PLEKHH2: variants seen among roughly 807,000 people sequenced by gnomAD.
The protein encoded by PLEKHH2 is pleckstrin homology domain-containing family H member 2.
Under a neutral mutation model 187.9 loss-of-function variants are expected in PLEKHH2, and 129 were observed. The ratio of observed to expected loss-of-function variants is 0.69; its 90% confidence interval spans 0.59 to 0.79. PLEKHH2 has a LOEUF of 0.79. Among genes scored for constraint, PLEKHH2 ranks in the 30% least tolerant of loss-of-function variants. The pLI is 0.00. For synonymous variants in PLEKHH2, 686 were observed against 605.6 expected (o/e 1.13, Z -1.95); for missense variants, 2,076 against 1,751.2 (o/e 1.19, Z -3.31).
chr2:43,693,173 C>T (rs747678814), intron 4 of PLEKHH2, among the ~76,000 whole-genome samples: 8 of 152,152 alleles, frequency 5.3e-5, no homozygotes, highest in Non-Finnish European at 1.0e-4. Flanking sequence ...GATCCACACA[C>T]CTCAGCCTCC....
At chr2:43,715,134 G>C (rs960119393) in intron 15 of PLEKHH2, among the ~76,000 whole-genome samples, 1 of 152,052 alleles carries the variant, frequency 6.6e-6, no homozygotes, top group Non-Finnish European at 1.5e-5. Context: ...AAATTAACCA[G>C]GCATGCTGGC....
At position 43,706,338 on chromosome 2, in the gene PLEKHH2, T is replaced by A; in HGVS notation, c.1743T>A (p.Leu581=). The change falls in exon 10 of 30, where the codon CTT becomes CTA. Residue 581 remains leucine (L), a synonymous_variant. Coordinates refer to ENST00000282406, the MANE Select transcript of PLEKHH2 (RefSeq NM_172069.4). ...ESVNKNSAAT[L]SYTTSGLYTS... is the part of the protein sequence containing the mutation. ...CTGTTTCAGATTCTGCTGCAACCCT[T>A]TCCTATACTACATCAGGACTTTATA... 1 of 1,608,266 alleles carries A rather than the reference T, an allele frequency of 6.2e-7. No individual in the cohort carries two copies. Among genetic ancestry groups the A allele is most frequent in the African/African-American group, 1.3e-5 (1 of 74,918 alleles).
chr2:43,696,350 A>G (rs1407817343), intron 6 of PLEKHH2, among the ~76,000 whole-genome samples: 2 of 151,794 alleles, frequency 1.3e-5, no homozygotes, highest in African/African-American at 4.8e-5. Context: ...GGTGGCACAC[A>G]CCTATACTCT....
At chr2:43,693,935 C>T (rs564581750) in intron 4 of PLEKHH2, among the ~76,000 whole-genome samples, 2 of 152,014 alleles carry the variant, frequency 1.3e-5, no homozygotes, top group South Asian at 2.1e-4. Context: ...CTGCCTATTG[C>T]GATTTATTTG....
Position 43,685,018 on chromosome 2 carries a change from C to A in PLEKHH2, c.186+6093C>A, listed in dbSNP as rs370947287. 4.9e-4 allele frequency among the ~76,000 whole-genome samples: 74 copies of A among 152,270 alleles called. No homozygotes were observed. The East Asian group carries it at 0.01, about 21-fold the overall frequency. On this transcript the variant is annotated intron_variant, in intron 3 of 29. Transcript: ENST00000282406. ...AGGAAATACAGACAGCAGATGAATTCTCATGCACTGATGAAGTCACCTTTT... is the reference window on the plus strand; with the variant it reads ...AGGAAATACAGACAGCAGATGAATTATCATGCACTGATGAAGTCACCTTTT...
In PLEKHH2 at chr2:43,709,991, T is replaced by G. The variant is rs750860790; in HGVS notation, c.1968T>G (p.Gly656=). Residue 656 remains glycine, a splice_region_variant and synonymous_variant, in exon 12 of 30, where the codon GGT becomes GGG. Transcript: ENST00000282406. ...GPGSPRAMKR[G]VSLSSVASES... is the part of the protein sequence containing the mutation. ...TGATTTCTTTCTTTGTTCTCTTAGG[T>G]GTGTCTCTCTCCTCTGTGGCTTCTG... 6.2e-7 allele frequency: 1 copy of G among 1,605,702 alleles called. No individual in the cohort carries two copies. The highest frequency in any genetic ancestry group is 8.5e-7 in the Non-Finnish European group (1 of 1,177,252).
intron 4 of PLEKHH2, among the ~76,000 whole-genome samples, chr2:43,694,085 G>A (rs1012079670): frequency 6.6e-6 from 1 of 152,110 alleles, no homozygotes; most frequent in African/African-American, 2.4e-5. Context: ...TGCCCCTAAG[G>A]AGAGTCTTAT....
At chr2:43,683,467 T>A (rs551446455) in intron 3 of PLEKHH2, among the ~76,000 whole-genome samples, 4 of 152,210 alleles carry the variant, frequency 2.6e-5, no homozygotes, top group African/African-American at 9.6e-5. Flanking sequence ...AATAGTTAGT[T>A]TGTTCAAATT....
intron 3 of PLEKHH2, among the ~76,000 whole-genome samples, chr2:43,687,988 A>G (rs187000298): frequency 1.4e-4 from 21 of 152,014 alleles, no homozygotes; most frequent in Admixed American, 1.0e-3. Flanking sequence ...TTTTGTAGAG[A>G]TGCGTTCCCA....
chr2:43,675,218 T>C (rs1319751511), intron 2 of PLEKHH2: 18 of 468,322 alleles, frequency 3.8e-5, no homozygotes, highest in Non-Finnish European at 5.9e-5. Flanking sequence ...GGAGTCAATA[T>C]GAAATATTAC....
At chr2:43,712,469 C>T (rs2104522222) in intron 15 of PLEKHH2, 86 bp downstream of exon 15, 1 of 1,421,930 alleles carries the variant, frequency 7.0e-7, no homozygotes, top group Non-Finnish European at 9.6e-7. Context: ...AGAGCATATA[C>T]ATATATTGAA....
At position 43,731,513 on chromosome 2, in the gene PLEKHH2, A is replaced by G; in HGVS notation, c.2854A>G (p.Thr952Ala). The G allele has an allele frequency of 1.2e-6, 2 of 1,602,642 alleles. No homozygotes were observed. Among genetic ancestry groups the G allele is most frequent in the Non-Finnish European group, 1.7e-6 (2 of 1,170,158 alleles). ...AGCCTCTCAGATATGGAGACACCCC[A>G]CTTTGTGTCACAGTAAAGAAGGAAT... ...EPSSQIWRHPTLCHSKEGIIS... is the reference protein window; with the variant it reads ...EPSSQIWRHPALCHSKEGIIS... The change falls in exon 19 of 30, where the codon ACT (threonine) becomes GCT (alanine). Residue 952 changes from threonine (T) to alanine (A), a missense_variant. Thr to Ala is a moderately conservative substitution (Grantham distance 58). Coordinates refer to ENST00000282406, the MANE Select transcript of PLEKHH2 (RefSeq NM_172069.4).
intron 2 of PLEKHH2, among the ~76,000 whole-genome samples, chr2:43,669,384 A>G (rs958581204): frequency 5.3e-5 from 8 of 152,218 alleles, no homozygotes; most frequent in African/African-American, 1.9e-4. Context: ...TGGAATTAGC[A>G]GTGATGGTTG....
At chr2:43,754,740 G>A (rs1672146607) in intron 25 of PLEKHH2, among the ~76,000 whole-genome samples, 1 of 152,058 alleles carries the variant, frequency 6.6e-6, no homozygotes, top group Admixed American at 6.5e-5. Flanking sequence ...TTTGGCCTAT[G>A]GCTCTTCACG....
intron 3 of PLEKHH2, among the ~76,000 whole-genome samples, chr2:43,686,408 G>C (rs186707567): frequency 1.4e-4 from 22 of 152,190 alleles, no homozygotes; most frequent in Non-Finnish European, 2.2e-4. Flanking sequence ...TGTTGGTCAG[G>C]CTGGTCTCAA....
At chr2:43,719,223 C>G (rs1050416557) in intron 15 of PLEKHH2, among the ~76,000 whole-genome samples, 2 of 152,106 alleles carry the variant, frequency 1.3e-5, no homozygotes, top group African/African-American at 4.8e-5. Flanking sequence ...GGGCCTATAT[C>G]ACTTACTGAC....
At chr2:43,642,444 T>A (rs1665985755) in intron 1 of PLEKHH2, among the ~76,000 whole-genome samples, 1 of 152,180 alleles carries the variant, frequency 6.6e-6, no homozygotes, top group African/African-American at 2.4e-5. Context: ...CTGTCCAATC[T>A]AGATGGTTTT....
intron 2 of PLEKHH2, among the ~76,000 whole-genome samples, chr2:43,646,176 A>G (rs1429589410): frequency 6.6e-6 from 1 of 152,182 alleles, no homozygotes; most frequent in African/African-American, 2.4e-5. Flanking sequence ...CAAAATTATT[A>G]AAATTATAGC....
At chr2:43,703,429 G>A (rs1018444170) in intron 8 of PLEKHH2, among the ~76,000 whole-genome samples, 1 of 152,178 alleles carries the variant, frequency 6.6e-6, no homozygotes, top group African/African-American at 2.4e-5. Flanking sequence ...TCTTCTACTT[G>A]AGTGAAATGT....
Sources: allele counts gnomAD v4.1 joint callset (sites outside exome capture counted in the v4.1 genomes callset), GRCh38; gene constraint gnomAD v4.1.1; transcripts MANE v1.5; gene names NCBI Gene and HGNC (gene_info 2026-07-23, HGNC 2026-07-21).